Variants in CSMD1 observed in about 807,000 individuals in gnomAD.
The protein encoded by CSMD1 is CUB and sushi domain-containing protein 1.
CSMD1 carries 213 observed loss-of-function variants against 417.5 expected under a neutral mutation model. The observed-to-expected ratio is 0.51, with a 90% CI of 0.46 to 0.57. The LOEUF (loss-of-function observed/expected upper bound fraction) is 0.57, where lower values mean the gene tolerates loss of function less well. Among genes scored for constraint, CSMD1 ranks in the 20% least tolerant of loss-of-function variants. CSMD1 has a pLI of 0.00. For missense variants in CSMD1, 6,923 were observed against 4,529.7 expected (o/e 1.53, Z -15.17); for synonymous variants, 2,862 against 1,736.8 (o/e 1.65, Z -16.11).
At chr8:4,821,948 G>A (rs1253411599) in intron 1 of CSMD1, among the ~76,000 whole-genome samples, 2 of 151,890 alleles carry the variant, frequency 1.3e-5, no homozygotes, top group Admixed American at 6.6e-5. Flanking sequence ...TAATCTAATC[G>A]AATAAAGCTT....
At position 2,971,851 on chromosome 8, in the gene CSMD1, C is replaced by T. The variant is rs189012090; in HGVS notation, c.8923+1266G>A. ...TCACTACTAATCAGTGGTATTTGAC[C>T]TAAGACAACTTTTTTAGGGCCTAGT... On this transcript the variant is annotated intron_variant, in intron 57 of 69. Coordinates refer to ENST00000635120, the MANE Select transcript of CSMD1 (RefSeq NM_033225.6). Among the ~76,000 whole-genome samples, 811 of 152,220 alleles carry T rather than the reference C, an allele frequency of 5.3e-3. 6 individuals are homozygous for T. The highest frequency in any genetic ancestry group is 8.0e-3 in the Non-Finnish European group (547 of 68,018).
intron 1 of CSMD1, among the ~76,000 whole-genome samples, chr8:4,897,650 ATTAT>A (rs1310046743): frequency 9.9e-5 from 15 of 152,240 alleles, no homozygotes; most frequent in Admixed American, 3.3e-4. Flanking sequence ...ATAATATGAT[ATTAT>A]TTATACAGTA....
At chr8:3,082,776 C>A (rs1814200854) in intron 49 of CSMD1, among the ~76,000 whole-genome samples, 1 of 152,072 alleles carries the variant, frequency 6.6e-6, no homozygotes, top group South Asian at 2.1e-4. Context: ...CAAAAGATAC[C>A]CTCTCCATAA....
At chr8:4,620,355 T>C (rs1367376798) in intron 2 of CSMD1, among the ~76,000 whole-genome samples, 1 of 151,612 alleles carries the variant, frequency 6.6e-6, no homozygotes, top group African/African-American at 2.4e-5. Context: ...GCTACTAACA[T>C]AGACATCAAT....
chr8:4,021,180 T>G (rs192409855), intron 4 of CSMD1, among the ~76,000 whole-genome samples: 1 of 152,226 alleles, frequency 6.6e-6, no homozygotes, highest in African/African-American at 2.4e-5. Context: ...CTAGTCAGCA[T>G]TGCAAAATGG....
intron 54 of CSMD1, among the ~76,000 whole-genome samples, chr8:2,995,184 C>G (rs1401632578): frequency 6.6e-6 from 1 of 152,204 alleles, no homozygotes; most frequent in South Asian, 2.1e-4. Context: ...TCTTGAAACT[C>G]AGTCTTAAAA....
At chr8:3,084,645 A>G (rs1814391435) in intron 49 of CSMD1, among the ~76,000 whole-genome samples, 1 of 152,012 alleles carries the variant, frequency 6.6e-6, no homozygotes, top group African/African-American at 2.4e-5. Flanking sequence ...TATATTTTAT[A>G]TTTAATATAG....
At chr8:4,195,248 T>G (rs1341200301) in intron 3 of CSMD1, among the ~76,000 whole-genome samples, 1 of 152,212 alleles carries the variant, frequency 6.6e-6, no homozygotes, top group Non-Finnish European at 1.5e-5. Flanking sequence ...TTAATTTGTT[T>G]TTTAAGAGAC....
chr8:4,682,812 A>T (rs980712958), intron 1 of CSMD1, among the ~76,000 whole-genome samples: 5 of 151,224 alleles, frequency 3.3e-5, no homozygotes, highest in African/African-American at 1.2e-4. Flanking sequence ...TAAGAATATG[A>T]TTTCACATTA....
chr8:4,139,661 G>C (rs955039075), intron 3 of CSMD1, among the ~76,000 whole-genome samples: 2 of 151,280 alleles, frequency 1.3e-5, no homozygotes, highest in South Asian at 2.1e-4. Flanking sequence ...AGGGCAAAGG[G>C]ATGCCAAACA....
chr8:2,969,668 G>A (rs945730548), intron 57 of CSMD1, among the ~76,000 whole-genome samples: 8 of 152,138 alleles, frequency 5.3e-5, no homozygotes, highest in African/African-American at 1.7e-4. Flanking sequence ...TAGAAGCTAC[G>A]CTTCCTGGAA....
chr8:3,306,963 T>C (rs11988807), intron 25 of CSMD1, among the ~76,000 whole-genome samples: 1 of 151,958 alleles, frequency 6.6e-6, no homozygotes, highest in Non-Finnish European at 1.5e-5. Flanking sequence ...TTCTGAAATT[T>C]GCAATGATTT....
intron 2 of CSMD1, among the ~76,000 whole-genome samples, chr8:4,635,368 A>C (rs1802761836): frequency 6.6e-6 from 1 of 152,136 alleles, no homozygotes; most frequent in South Asian, 2.1e-4. Flanking sequence ...GATGGTAAGA[A>C]TGTTGTTTTA....
intron 1 of CSMD1, among the ~76,000 whole-genome samples, chr8:4,819,661 C>T (rs1372591352): frequency 6.6e-6 from 1 of 152,154 alleles, no homozygotes; most frequent in East Asian, 1.9e-4. Context: ...TCTGTTGTCA[C>T]CCCTGTCTCA....
chr8:4,518,578 G>C (rs1018522831), intron 2 of CSMD1, among the ~76,000 whole-genome samples: 5 of 141,960 alleles, frequency 3.5e-5, no homozygotes, highest in African/African-American at 5.2e-5. Flanking sequence ...AGAACACATG[G>C]ACACAGGAAG....
intron 2 of CSMD1, among the ~76,000 whole-genome samples, chr8:4,461,805 A>C (rs1275521435): frequency 1.4e-5 from 2 of 146,220 alleles, no homozygotes; most frequent in Non-Finnish European, 3.0e-5. Flanking sequence ...CAGTAGTACG[A>C]TCTCAGCTCA....
At chr8:3,826,047 G>A (rs1261012638) in intron 5 of CSMD1, among the ~76,000 whole-genome samples, 1 of 152,058 alleles carries the variant, frequency 6.6e-6, no homozygotes, top group East Asian at 1.9e-4. Context: ...CTTTCAAATG[G>A]AGGCCCACAT....
intron 5 of CSMD1, among the ~76,000 whole-genome samples, chr8:3,783,807 G>A (rs1584992331): frequency 6.6e-6 from 1 of 152,174 alleles, no homozygotes; most frequent in Non-Finnish European, 1.5e-5. Context: ...CTTCCATATT[G>A]TAGGACAGCA....
In CSMD1 at chr8:3,322,928, T is replaced by C. The variant is rs184071960; in HGVS notation, c.3632-14425A>G. 3.6e-3 allele frequency among the ~76,000 whole-genome samples: 551 copies of C among 151,394 alleles called. 2 individuals carry two copies. The highest frequency in any genetic ancestry group is 5.4e-3 in the Non-Finnish European group (370 of 67,914). On this transcript the variant is annotated intron_variant, in intron 23 of 69. Coordinates refer to ENST00000635120, the MANE Select transcript of CSMD1 (RefSeq NM_033225.6). ...CTAGATAAGTCTCTGAATTGTTTTT[T>C]GCTTTTTTTTGTTTTTGTTTTTGTT...
Sources: allele counts gnomAD v4.1 joint callset (sites outside exome capture counted in the v4.1 genomes callset), GRCh38; gene constraint gnomAD v4.1.1; transcripts MANE v1.5; gene names NCBI Gene and HGNC (gene_info 2026-07-23, HGNC 2026-07-21).